Variants in PELI2 observed in about 807,000 individuals in gnomAD.
The protein encoded by PELI2 is pellino E3 ubiquitin protein ligase family member 2.
A neutral mutation model predicts 42.3 loss-of-function variants in PELI2; 23 were observed. The ratio of observed to expected loss-of-function variants is 0.54; its 90% CI spans 0.39 to 0.77. The LOEUF is 0.77. PELI2 is among the 30% of genes least tolerant of loss of function. The pLI is 0.00. For missense variants in PELI2, 463 were observed against 553.2 expected (o/e 0.84, Z 1.64); for synonymous variants, 245 against 212.2 (o/e 1.15, Z -1.34).
intron 5 of PELI2, among the ~76,000 whole-genome samples, chr14:56,291,414 G>A (rs1889825516): frequency 6.6e-6 from 1 of 152,130 alleles, no homozygotes; most frequent in Admixed American, 6.5e-5. Context: ...TGTGTTTAGG[G>A]AATGGTTATT....
intron 2 of PELI2, among the ~76,000 whole-genome samples, chr14:56,237,278 C>G (rs144340986): frequency 1.3e-5 from 2 of 152,250 alleles, no homozygotes; most frequent in East Asian, 3.9e-4. Context: ...CAATTAATTC[C>G]TAAGAAATCA....
rs569975931 is a variant in PELI2 at position 56,235,313 on chromosome 14, A to G, written c.208-44363A>G. Among the ~76,000 whole-genome samples, 138 of 152,352 alleles carry G rather than the reference A, an allele frequency of 9.1e-4. 1 individual carries two copies. The highest frequency in any genetic ancestry group is 8.1e-3 in the South Asian group (39 of 4,826). On this transcript the variant is annotated intron_variant, in intron 2 of 5. Coordinates refer to ENST00000267460, the MANE Select transcript of PELI2 (RefSeq NM_021255.3). ...AAAGAAAAAAGATTATTATAACTAC[A>G]ATGTCAAGATATATCCCCCCAAAAT...
chr14:56,208,620 C>T (rs564449209), intron 2 of PELI2, among the ~76,000 whole-genome samples: 33 of 152,266 alleles, frequency 2.2e-4, no homozygotes, highest in South Asian at 4.1e-4. Flanking sequence ...GAAAAAAATG[C>T]GGTTTCATTT....
chr14:56,254,963 G>A (rs910033025), intron 2 of PELI2, among the ~76,000 whole-genome samples: 7 of 152,108 alleles, frequency 4.6e-5, no homozygotes, highest in Admixed American at 6.5e-5. Context: ...TTAGAGTGGC[G>A]ACCATTACAA....
intron 2 of PELI2, among the ~76,000 whole-genome samples, chr14:56,264,300 G>T (rs374282764): frequency 6.6e-6 from 1 of 152,158 alleles, no homozygotes; most frequent in South Asian, 2.1e-4. Flanking sequence ...GTGTTCCCCA[G>T]TATTCCTAGG....
At chr14:56,281,246 T>G (rs1029769595) in intron 3 of PELI2, among the ~76,000 whole-genome samples, 4 of 152,030 alleles carry the variant, frequency 2.6e-5, no homozygotes, top group Admixed American at 2.0e-4. Flanking sequence ...TATATACTAG[T>G]AAAAAACTAA....
chr14:56,142,207 C>A (rs182364047), intron 1 of PELI2, among the ~76,000 whole-genome samples: 1 of 152,280 alleles, frequency 6.6e-6, no homozygotes, highest in African/African-American at 2.4e-5. Context: ...ATATATTACT[C>A]ATTTAGAAAT....
chr14:56,142,793 AT>A lies in PELI2; in HGVS notation c.77+24064del, dbSNP rs1010320309. 1.1e-4 allele frequency among the ~76,000 whole-genome samples: 17 copies of A among 151,922 alleles called. 1 individual carries two copies. Among genetic ancestry groups the A allele is most frequent in the African/African-American group, 3.9e-4 (16 of 41,478 alleles). On this transcript the variant is annotated intron_variant, in intron 1 of 5. Transcript: ENST00000267460. ...AAAAGATGAAAAAAACTACTGCCCT[AT>A]TTTTTTTAAGATTAAAAAATTATAG... is the stretch of plus-strand genomic sequence containing the variant.
rs762769489 is a variant in PELI2 at position 56,173,984 on chromosome 14, C to CTCTGCT, written c.78-4348_78-4343dup. Among the ~76,000 whole-genome samples the CTCTGCT allele has an allele frequency of 1.4e-4, 22 of 152,190 alleles. 1 individual carries two copies. Among genetic ancestry groups the CTCTGCT allele is most frequent in the Admixed American group, 8.5e-4 (13 of 15,286 alleles). On this transcript the variant is annotated intron_variant, in intron 1 of 5. Transcript: ENST00000267460. The stretch of plus-strand genomic sequence containing the variant: ...TGGTACGATCTCGGCCCACTGAAAC[C>CTCTGCT]TCTGCTTCCTGGGTTCAAGTGATTC...
intron 1 of PELI2, among the ~76,000 whole-genome samples, chr14:56,146,303 C>G (rs997077392): frequency 1.3e-5 from 2 of 151,982 alleles, no homozygotes; most frequent in Non-Finnish European, 2.9e-5. Flanking sequence ...ATAGTTTGCC[C>G]CATCATGACT....
intron 2 of PELI2, among the ~76,000 whole-genome samples, chr14:56,264,730 A>G (rs1191384092): frequency 1.3e-5 from 2 of 152,222 alleles, no homozygotes; most frequent in Non-Finnish European, 2.9e-5. Context: ...TAAGAAATAT[A>G]TATTAAGTGA....
At chr14:56,192,252 T>C (rs1885973843) in intron 2 of PELI2, among the ~76,000 whole-genome samples, 1 of 152,258 alleles carries the variant, frequency 6.6e-6, no homozygotes, top group African/African-American at 2.4e-5. Context: ...GCATTTTGTC[T>C]TTTGTTACAC....
At chr14:56,262,291 A>G (rs978617127) in intron 2 of PELI2, among the ~76,000 whole-genome samples, 3 of 152,218 alleles carry the variant, frequency 2.0e-5, no homozygotes, top group Admixed American at 6.5e-5. Context: ...AGAAATAAAC[A>G]TTTTACCTAC....
intron 1 of PELI2, among the ~76,000 whole-genome samples, chr14:56,155,825 C>T (rs1388515740): frequency 3.9e-5 from 6 of 152,114 alleles, no homozygotes; most frequent in East Asian, 1.9e-4. Context: ...CCTCGTGATC[C>T]GCCCCCCCTC....
intron 2 of PELI2, among the ~76,000 whole-genome samples, chr14:56,186,587 G>T (rs899752811): frequency 6.6e-6 from 1 of 152,122 alleles, no homozygotes; most frequent in Admixed American, 6.5e-5. Flanking sequence ...TCTTAATCTC[G>T]TGGTGGGGGA....
At chr14:56,149,596 A>C in intron 1 of PELI2, among the ~76,000 whole-genome samples, 1 of 150,538 alleles carries the variant, frequency 6.6e-6, no homozygotes, top group Admixed American at 6.6e-5. Flanking sequence ...CCCACCTTTT[A>C]CTTTTTTTTT....
At chr14:56,285,931 T>G (rs1034926316) in intron 3 of PELI2, among the ~76,000 whole-genome samples, 1 of 152,156 alleles carries the variant, frequency 6.6e-6, no homozygotes, top group Admixed American at 6.5e-5. Flanking sequence ...GTGAAATGTT[T>G]GTTAAAATAC....
intron 1 of PELI2, among the ~76,000 whole-genome samples, chr14:56,137,633 G>A (rs558137987): frequency 1.6e-4 from 25 of 152,302 alleles, no homozygotes; most frequent in African/African-American, 5.3e-4. Flanking sequence ...GAGCAATATA[G>A]TTATGAAAAA....
At chr14:56,163,541 G>C (rs113684760) in intron 1 of PELI2, among the ~76,000 whole-genome samples, 19,745 of 152,038 alleles carry the variant, frequency 0.13, 1,469 homozygotes, top group Middle Eastern at 0.17. Context: ...ACTTAGGACA[G>C]CTTTGGCTAT....
Sources: allele counts gnomAD v4.1 joint callset (sites outside exome capture counted in the v4.1 genomes callset), GRCh38; gene constraint gnomAD v4.1.1; transcripts MANE v1.5; gene names NCBI Gene and HGNC (gene_info 2026-07-23, HGNC 2026-07-21).